Variants in CNTN5 observed in about 807,000 individuals in gnomAD.
CNTN5 encodes the protein contactin-5.
Under a neutral mutation model 129.1 loss-of-function variants are expected in CNTN5, and 77 were observed. That is an observed-to-expected ratio of 0.60 (90% confidence interval 0.50 to 0.72). The LOEUF is 0.72. CNTN5 is among the 30% of genes least tolerant of loss of function. The pLI, the probability that CNTN5 is intolerant of heterozygous loss-of-function variation, is 0.00. For synonymous variants in CNTN5, 509 were observed against 465.6 expected (o/e 1.09, Z -1.20); for missense variants, 1,478 against 1,328.8 (o/e 1.11, Z -1.75).
intron 3 of CNTN5, among the ~76,000 whole-genome samples, chr11:99,721,334 A>G (rs1259812437): frequency 6.6e-6 from 1 of 152,012 alleles, no homozygotes; most frequent in Non-Finnish European, 1.5e-5. Flanking sequence ...GGCCACACAT[A>G]TATGTCCATC....
intron 3 of CNTN5, among the ~76,000 whole-genome samples, chr11:99,729,948 T>C (rs1338670624): frequency 2.0e-5 from 3 of 152,142 alleles, no homozygotes; most frequent in East Asian, 3.9e-4. Flanking sequence ...AGGTAATTCA[T>C]GCTGGGCTTA....
chr11:100,187,228 A>G (rs955268443), intron 13 of CNTN5, among the ~76,000 whole-genome samples: 2 of 152,134 alleles, frequency 1.3e-5, no homozygotes, highest in Admixed American at 6.6e-5. Context: ...AGTTTTGTAC[A>G]TCGATTTTGT....
At chr11:99,356,962 G>A (rs1938717566) in intron 2 of CNTN5, among the ~76,000 whole-genome samples, 1 of 152,126 alleles carries the variant, frequency 6.6e-6, no homozygotes, top group Admixed American at 6.5e-5. Context: ...AACACCAAGT[G>A]TCATGATTGT....
chr11:99,970,669 G>T (rs1410837630), intron 8 of CNTN5, among the ~76,000 whole-genome samples: 1 of 152,160 alleles, frequency 6.6e-6, no homozygotes, highest in Non-Finnish European at 1.5e-5. Context: ...TTGTGCATGT[G>T]TTGCGGGGGA....
intron 1 of CNTN5, among the ~76,000 whole-genome samples, chr11:99,315,307 A>C (rs966035632): frequency 6.7e-6 from 1 of 149,688 alleles, no homozygotes; most frequent in African/African-American, 2.4e-5. Context: ...GGAAGCCTAC[A>C]AATGCTTCTG....
intron 2 of CNTN5, among the ~76,000 whole-genome samples, chr11:99,525,381 G>A (rs12277896): frequency 3.3e-5 from 5 of 152,080 alleles, no homozygotes; most frequent in South Asian, 2.1e-4. Context: ...TTATAAGTAC[G>A]TACTAAGTAC....
At chr11:100,194,996 A>G (rs1948599122) in intron 15 of CNTN5, among the ~76,000 whole-genome samples, 1 of 151,980 alleles carries the variant, frequency 6.6e-6, no homozygotes, top group Admixed American at 6.6e-5. Context: ...TTAATATCCA[A>G]GTTATATGTA....
intron 3 of CNTN5, among the ~76,000 whole-genome samples, chr11:99,758,202 T>C (rs1251498842): frequency 6.6e-6 from 1 of 152,074 alleles, no homozygotes; most frequent in Non-Finnish European, 1.5e-5. Flanking sequence ...GACAACATTG[T>C]GGTTCATACC....
At chr11:99,131,662 A>C (rs4570543) in intron 1 of CNTN5, among the ~76,000 whole-genome samples, 137,484 of 152,054 alleles carry the variant, frequency 0.9, 62,350 homozygotes, top group East Asian at 0.99. Flanking sequence ...GAAATGGATA[A>C]ATTTCTGGAC....
rs572857058 is a variant in CNTN5 at position 99,738,055 on chromosome 11, A to G, written c.56-81489A>G. Among the ~76,000 whole-genome samples, 132 of 152,176 alleles carry G rather than the reference A, an allele frequency of 8.7e-4. 5 individuals are homozygous for G. Among genetic ancestry groups the G allele is most frequent in the Non-Finnish European group, 4.0e-4 (27 of 68,010 alleles). On this transcript the variant is annotated intron_variant, in intron 3 of 24. Transcript: ENST00000524871. Reference sequence around the variant, plus strand: ...TATGCAGTATCGTTAGAGAAATACTATGAGATCACAGAAAAGGAGGCACAC... The same window carrying G: ...TATGCAGTATCGTTAGAGAAATACTGTGAGATCACAGAAAAGGAGGCACAC...
intron 2 of CNTN5, among the ~76,000 whole-genome samples, chr11:99,463,386 C>T (rs999508917): frequency 7.7e-6 from 1 of 129,534 alleles, no homozygotes; most frequent in African/African-American, 2.9e-5. Flanking sequence ...TACAGTGAGC[C>T]GAGATCGCGC....
At chr11:100,164,020 C>T (rs1271418935) in intron 13 of CNTN5, among the ~76,000 whole-genome samples, 1 of 151,808 alleles carries the variant, frequency 6.6e-6, no homozygotes, top group Non-Finnish European at 1.5e-5. Context: ...ACACTCCTAA[C>T]CACAAAGGTG....
intron 2 of CNTN5, among the ~76,000 whole-genome samples, chr11:99,419,416 T>C (rs1565566734): frequency 6.6e-6 from 1 of 152,220 alleles, no homozygotes; most frequent in Non-Finnish European, 1.5e-5. Flanking sequence ...GTCTTACAAA[T>C]TATTGTAATT....
At chr11:99,698,914 TA>T (rs34792632) in intron 3 of CNTN5, among the ~76,000 whole-genome samples, 124,525 of 143,414 alleles carry the variant, frequency 0.87, 53,889 homozygotes, top group Middle Eastern at 0.95. Flanking sequence ...CACAAAAACA[TA>T]AAAAAAAAAA....
At chr11:99,747,690 G>C (rs1944099990) in intron 3 of CNTN5, among the ~76,000 whole-genome samples, 1 of 151,906 alleles carries the variant, frequency 6.6e-6, no homozygotes, top group East Asian at 1.9e-4. Context: ...AGCCAGGATG[G>C]TTCGATCTCC....
At chr11:99,523,974 T>C (rs1947389276) in intron 2 of CNTN5, among the ~76,000 whole-genome samples, 1 of 152,216 alleles carries the variant, frequency 6.6e-6, no homozygotes, top group Non-Finnish European at 1.5e-5. Context: ...ATAATCTCTT[T>C]TCTCCAGAGC....
At chr11:99,112,665 C>A (rs1857853643) in intron 1 of CNTN5, among the ~76,000 whole-genome samples, 1 of 151,842 alleles carries the variant, frequency 6.6e-6, no homozygotes, top group Non-Finnish European at 1.5e-5. Flanking sequence ...CATTTAAGTG[C>A]CCTTCAGGGA....
chr11:99,772,515 G>A (rs1367503721), intron 3 of CNTN5, among the ~76,000 whole-genome samples: 1 of 151,974 alleles, frequency 6.6e-6, no homozygotes, highest in Non-Finnish European at 1.5e-5. Flanking sequence ...TGATGTGGCT[G>A]TTATGTAATG....
chr11:100,267,688 G>A (rs1950334034), intron 17 of CNTN5, among the ~76,000 whole-genome samples: 1 of 152,136 alleles, frequency 6.6e-6, no homozygotes, highest in South Asian at 2.1e-4. Flanking sequence ...AGGGAGAAAT[G>A]TAGATGAGTT....
Sources: gnomAD v4.1 joint callset for allele counts (sites outside exome capture counted in the v4.1 genomes callset) on GRCh38, gnomAD v4.1.1 for gene constraint, MANE v1.5 for transcripts, NCBI Gene and HGNC (gene_info 2026-07-23, HGNC 2026-07-21) for gene names.